The following ZNF564 variants were observed in gnomAD, a reference collection of about 807,000 sequenced individuals.
ZNF564 encodes zinc finger protein 564.
A neutral mutation model predicts 10.5 loss-of-function variants in ZNF564; 5 were observed. The observed-to-expected ratio is 0.48, with a 90% CI of 0.25 to 1.00. The LOEUF is 1.00. ZNF564 is among the 50% of genes least tolerant of loss of function. The pLI is 0.16. For missense variants in ZNF564, 603 were observed against 669.7 expected (o/e 0.90, Z 1.10); for synonymous variants, 242 against 218.1 (o/e 1.11, Z -0.97).
In ZNF564 at chr19:12,551,399, C is replaced by A. The variant is rs2145104182; in HGVS notation, c.-67G>T. On this transcript the variant is annotated 5_prime_UTR_variant, in exon 1 of 4. Coordinates refer to ENST00000339282, the MANE Select transcript of ZNF564 (RefSeq NM_144976.4). ...TCTCCGGCCTGTGCAGGTCCCAGCG[C>A]GCCAGACGCTGCGGTGGAGCCACCG... 1.3e-6 allele frequency: 2 copies of A among 1,504,408 alleles called. No homozygotes were observed. 93.2% of individuals were successfully genotyped at this position (1,504,408 alleles called of 1,614,324 possible).
At chr19:12,543,104 C>T (rs577827015) in intron 1 of ZNF564, among the ~76,000 whole-genome samples, 10 of 151,736 alleles carry the variant, frequency 6.6e-5, no homozygotes, top group Admixed American at 3.3e-4. Context: ...AGTTCAAGAC[C>T]AGCCTGGCCA....
chr19:12,527,466 T>G lies in ZNF564; in HGVS notation c.642A>C (p.Ile214=), dbSNP rs199661935. ...TCTCTCCAGTGTGAGTTCTTTCATGTATCTGAAATAAACTTGGGCGATCAA... is the reference window on the plus strand; with the variant it reads ...TCTCTCCAGTGTGAGTTCTTTCATGGATCTGAAATAAACTTGGGCGATCAA... ...KAFDRPSLFQ[I]HERTHTGEKP... is the part of the protein sequence containing the mutation. The change falls in exon 4 of 4, where the codon ATA becomes ATC. Residue 214 remains isoleucine (I), a synonymous_variant. Coordinates refer to ENST00000339282, the MANE Select transcript of ZNF564 (RefSeq NM_144976.4). 4.8e-5 allele frequency: 77 copies of G among 1,614,150 alleles called. 1 individual carries two copies. The East Asian group carries it at 1.7e-3, about 35-fold the overall frequency.
At position 12,527,626 on chromosome 19, in the gene ZNF564, C is replaced by A. The variant is rs760015836; in HGVS notation, c.482G>T (p.Arg161Ile). ...SSCQSFRRHE[R>I]THTGEKPYAC... Reference sequence around the variant, plus strand: ...ATAGGGTTTCTCACCAGTGTGAGTTCTTTCATGTCTTCGAAAGGATTGACA... The same window carrying A: ...ATAGGGTTTCTCACCAGTGTGAGTTATTTCATGTCTTCGAAAGGATTGACA... The change falls in exon 4 of 4, where the codon AGA (arginine) becomes ATA (isoleucine). Residue 161 changes from arginine to isoleucine, a missense_variant. Transcript: ENST00000339282. 1.3e-5 allele frequency: 21 copies of A among 1,614,028 alleles called. No individual in the cohort carries two copies. Among genetic ancestry groups the A allele is most frequent in the African/African-American group, 6.7e-5 (5 of 74,916 alleles).
chr19:12,533,700 C>G (rs1317779853), intron 1 of ZNF564, among the ~76,000 whole-genome samples: 1 of 115,536 alleles, frequency 8.7e-6, no homozygotes. Context: ...GCACTCCAGC[C>G]TGGGCGACAC....
chr19:12,526,912 C>T lies in ZNF564; in HGVS notation c.1196G>A (p.Gly399Asp), dbSNP rs750075956. ...GDGPYKCQVC[G>D]RAFDCPSSFQ... Reference sequence around the variant, plus strand: ...TGAACTGGGACAGTCAAAGGCTCTACCACATACCTGACATTTATAAGGTCC... The same window carrying T: ...TGAACTGGGACAGTCAAAGGCTCTATCACATACCTGACATTTATAAGGTCC... The change falls in exon 4 of 4, where the codon GGT (glycine) becomes GAT (aspartate). Residue 399 changes from glycine to aspartate, a missense_variant. By Grantham distance (94) the Gly-to-Asp change is moderately conservative. Coordinates refer to ENST00000339282, the MANE Select transcript of ZNF564 (RefSeq NM_144976.4). 3 of 1,614,158 alleles carry T rather than the reference C, an allele frequency of 1.9e-6. No individual in the cohort carries two copies. The African/African-American group carries it at 4.0e-5, about 22-fold the overall frequency.
At chr19:12,534,941 A>G (rs2021879717) in intron 1 of ZNF564, among the ~76,000 whole-genome samples, 1 of 152,200 alleles carries the variant, frequency 6.6e-6, no homozygotes, top group South Asian at 2.1e-4. Flanking sequence ...AGTTTTATTC[A>G]TAATTTCTAG....
intron 1 of ZNF564, chr19:12,529,986 A>G (rs1458313371): frequency 6.7e-6 from 1 of 148,636 alleles, no homozygotes; most frequent in African/African-American, 2.5e-5. Context: ...CTCTGTCTCA[A>G]AAAAAAAAAA....
In ZNF564 at chr19:12,527,349, A is replaced by T. The variant is rs903450386; in HGVS notation, c.759T>A (p.Tyr253Ter). The T allele has an allele frequency of 6.2e-7, 1 of 1,614,148 alleles. No homozygotes were observed. Among genetic ancestry groups the T allele is most frequent in the Non-Finnish European group, 8.5e-7 (1 of 1,180,022 alleles). ...HMIRHTGDGP[Y>*]KCQECGKAFD... ...AGGCTTTTCCACATTCCTGACATTT[A>T]TAAGGTCCATCTCCAGTGTGCCTAA... The change falls in exon 4 of 4, where the codon TAT becomes TAA. Residue 253 changes from tyrosine (Y) to a stop codon, truncating the protein, a stop_gained. Transcript: ENST00000339282. LOFTEE classifies it low-confidence loss of function (END_TRUNC).
intron 1 of ZNF564, 34 bp from the exon 2 acceptor site, chr19:12,528,730 G>A (rs1298192581): frequency 1.3e-6 from 2 of 1,594,186 alleles, no homozygotes; most frequent in East Asian, 2.2e-5. Context: ...GCAGGAGGAA[G>A]AATGAGATGA....
In ZNF564 at chr19:12,526,362, C is replaced by T; in HGVS notation, c.*84G>A. The T allele has an allele frequency of 7.1e-7, 1 of 1,398,770 alleles. No homozygotes were observed. The allele number at this position is 1,398,770 out of a possible 1,614,324, so 86.6% of individuals were successfully genotyped here. A position where few individuals can be genotyped will look rare whatever the true frequency, so the allele number is the denominator to read the frequency against. On this transcript the variant is annotated 3_prime_UTR_variant, in exon 4 of 4. Transcript: ENST00000339282. ...GAGAAACAGGAGAAAGGGGTGAGCTCCCAAACAAGTCTGAAACCCAGAAAG... is the reference window on the plus strand; with the variant it reads ...GAGAAACAGGAGAAAGGGGTGAGCTTCCAAACAAGTCTGAAACCCAGAAAG...
chr19:12,538,467 T>A (rs1302723815), intron 1 of ZNF564, among the ~76,000 whole-genome samples: 2 of 151,416 alleles, frequency 1.3e-5, no homozygotes, highest in African/African-American at 4.9e-5. Context: ...CTACTAAAAA[T>A]ACAAAAAAAT....
At chr19:12,541,660 G>A (rs1237588945) in intron 1 of ZNF564, 3 of 152,088 alleles carry the variant, frequency 2.0e-5, no homozygotes, top group African/African-American at 4.8e-5. Flanking sequence ...CCCAAATACA[G>A]TGCTTTATTT....
intron 1 of ZNF564, among the ~76,000 whole-genome samples, chr19:12,547,058 A>G (rs2022169099): frequency 6.6e-6 from 1 of 152,068 alleles, no homozygotes; most frequent in African/African-American, 2.4e-5. Context: ...CTCCCCATGA[A>G]TGAAAAACTT....
chr19:12,549,435 T>C (rs2022211892), intron 1 of ZNF564, among the ~76,000 whole-genome samples: 1 of 152,104 alleles, frequency 6.6e-6, no homozygotes. Flanking sequence ...AGACAGTGAA[T>C]TGTGCCCTGC....
Position 12,527,143 on chromosome 19 carries a change from C to T in ZNF564, c.965G>A (p.Ser322Asn). The T allele has an allele frequency of 2.5e-6, 4 of 1,614,080 alleles. No individual in the cohort carries two copies. The highest frequency in any genetic ancestry group is 3.4e-6 in the Non-Finnish European group (4 of 1,180,000). Residue 322 changes from serine to asparagine, a missense_variant, in exon 4 of 4, where the codon AGT (serine) becomes AAT (asparagine). Coordinates refer to ENST00000339282, the MANE Select transcript of ZNF564 (RefSeq NM_144976.4). ...KVCGRAFIFP[S>N]YVRKHERTHT... ...AGTTCTTTCATGCTTTCGAACATAACTGGGAAAAATAAAGGCTCTCCCACA... is the reference window on the plus strand; with the variant it reads ...AGTTCTTTCATGCTTTCGAACATAATTGGGAAAAATAAAGGCTCTCCCACA...
chr19:12,538,746 C>T (rs1233562672), intron 1 of ZNF564, among the ~76,000 whole-genome samples: 2 of 151,520 alleles, frequency 1.3e-5, no homozygotes, highest in Non-Finnish European at 2.9e-5. Flanking sequence ...GAGGTCAATG[C>T]TACAGTGAGC....
chr19:12,551,181 G>A (rs1344169587), intron 1 of ZNF564, 149 bp downstream of exon 1: 4 of 895,974 alleles, frequency 4.5e-6, no homozygotes, highest in East Asian at 5.4e-5. Context: ...CCCTGCGGCC[G>A]AGGGGACAGA....
intron 1 of ZNF564, among the ~76,000 whole-genome samples, chr19:12,542,583 T>G (rs1036382560): frequency 6.9e-6 from 1 of 145,650 alleles, no homozygotes; most frequent in Admixed American, 7.1e-5. Flanking sequence ...ATCACGCCAG[T>G]GCAGATCATG....
At chr19:12,548,180 G>C in intron 1 of ZNF564, 1 of 963,308 alleles carries the variant, frequency 1.0e-6, no homozygotes, top group Non-Finnish European at 1.2e-6. Flanking sequence ...TACCATTTAT[G>C]TATATAGGAG....
Sources: allele counts gnomAD v4.1 joint callset (sites outside exome capture counted in the v4.1 genomes callset), GRCh38; gene constraint gnomAD v4.1.1; transcripts MANE v1.5; gene names NCBI Gene and HGNC (gene_info 2026-07-23, HGNC 2026-07-21).